The following FGD6 variants were observed in gnomAD, a reference collection of about 807,000 sequenced individuals.
FGD6 encodes FYVE, RhoGEF and PH domain containing 6.
Under a neutral mutation model 149.4 loss-of-function variants are expected in FGD6, and 90 were observed. The ratio of observed to expected loss-of-function variants is 0.60; its 90% CI spans 0.51 to 0.72. The LOEUF is 0.72. Ranked by LOEUF, FGD6 falls within the 30% of genes least tolerant of loss-of-function variation. The pLI is 0.00. For synonymous variants in FGD6, 527 were observed against 584.0 expected, an observed-to-expected ratio of 0.90 and a Z score of 1.41; for missense variants, 1,437 against 1,684.8, an observed-to-expected ratio of 0.85 and a Z score of 2.57.
chr12:95,105,607 C>T (rs1360052064), intron 13 of FGD6, among the ~76,000 whole-genome samples: 5 of 152,234 alleles, frequency 3.3e-5, no homozygotes, highest in African/African-American at 1.2e-4. Context: ...AAGAATCATG[C>T]TTCAACTTAT....
intron 5 of FGD6, among the ~76,000 whole-genome samples, chr12:95,147,804 T>C (rs1049510609): frequency 6.6e-6 from 1 of 152,178 alleles, no homozygotes; most frequent in African/African-American, 2.4e-5. Flanking sequence ...TGATGTAACA[T>C]AGCATGCTGC....
intron 2 of FGD6, among the ~76,000 whole-genome samples, chr12:95,204,616 T>C (rs1385654111): frequency 2.0e-5 from 3 of 152,116 alleles, no homozygotes; most frequent in Non-Finnish European, 2.9e-5. Flanking sequence ...CCAGGCCTTG[T>C]AGATTTGCTC....
At chr12:95,092,977 T>C (rs773022430) in intron 15 of FGD6, 132 bp from the exon 16 acceptor site, 147 of 1,029,058 alleles carry the variant, frequency 1.4e-4, no homozygotes, top group Non-Finnish European at 2.0e-4. Flanking sequence ...TCCCAGCATT[T>C]TGGGAGGCCG....
At chr12:95,202,913 G>C (rs2056670578) in intron 2 of FGD6, among the ~76,000 whole-genome samples, 1 of 152,160 alleles carries the variant, frequency 6.6e-6, no homozygotes, top group South Asian at 2.1e-4. Flanking sequence ...GGAAAGGGCT[G>C]CTGTTGAATA....
chr12:95,090,471 T>G (rs182082093), intron 17 of FGD6, among the ~76,000 whole-genome samples: 7 of 152,242 alleles, frequency 4.6e-5, no homozygotes, highest in Non-Finnish European at 8.8e-5. Context: ...AGATGAGAGA[T>G]AACGAAGGCC....
At chr12:95,116,173 T>C (rs1157400755) in intron 8 of FGD6, among the ~76,000 whole-genome samples, 1 of 152,234 alleles carries the variant, frequency 6.6e-6, no homozygotes, top group Non-Finnish European at 1.5e-5. Flanking sequence ...CCACTCAGAA[T>C]GCATTCAATA....
chr12:95,210,922 C>A lies in FGD6; in HGVS notation c.362G>T (p.Gly121Val). 6.2e-7 allele frequency: 1 copy of A among 1,614,078 alleles called. No homozygotes were observed. The highest frequency in any genetic ancestry group is 8.5e-7 in the Non-Finnish European group (1 of 1,180,036). Reference protein sequence around the residue: ...SCSSECIHKLGHRENLCVKQL... With the variant: ...SCSSECIHKLVHRENLCVKQL... ...CTTTACACACAAATTCTCTCTATGGCCCAGCTTATGGATACACTCAGAACT... is the reference window on the plus strand; with the variant it reads ...CTTTACACACAAATTCTCTCTATGGACCAGCTTATGGATACACTCAGAACT... The change falls in exon 2 of 21, where the codon GGC (glycine) becomes GTC (valine). Residue 121 changes from glycine to valine, a missense_variant. Physicochemically the swap from Gly to Val is moderately radical, Grantham distance 109 (BLOSUM62 -3). Around this residue, in one of 2 missense-constraint regions of FGD6, gnomAD observed 1,055 missense variants for 1,146.0 expected, o/e 0.92. Coordinates refer to ENST00000343958, the MANE Select transcript of FGD6 (RefSeq NM_018351.4).
chr12:95,141,382 T>C lies in FGD6; in HGVS notation c.2837+6A>G, dbSNP rs760291804. 6.2e-7 allele frequency: 1 copy of C among 1,613,224 alleles called. No homozygotes were observed. The highest frequency in any genetic ancestry group is 8.5e-7 in the Non-Finnish European group (1 of 1,179,484). On this transcript the variant is annotated splice_donor_region_variant and intron_variant, in intron 6 of 20. Coordinates refer to ENST00000343958, the MANE Select transcript of FGD6 (RefSeq NM_018351.4). ...CTAGGAAAATCTGAAAACGGTCCAT[T>C]TTTACCAGTGCAACATTCTTTCCTC...
chr12:95,210,816 C>A lies in FGD6; in HGVS notation c.468G>T (p.Arg156Ser), dbSNP rs1242080606. 1.2e-6 allele frequency: 2 copies of A among 1,613,650 alleles called. No individual in the cohort carries two copies. Among genetic ancestry groups the A allele is most frequent in the Admixed American group, 1.7e-5 (1 of 59,920 alleles). The change falls in exon 2 of 21, where the codon AGG becomes AGT. Residue 156 changes from arginine (R) to serine (S), a missense_variant. This residue lies in a region of FGD6 where 1,055 missense variants were observed against 1,146.0 expected (regional missense o/e 0.92). Coordinates refer to ENST00000343958, the MANE Select transcript of FGD6 (RefSeq NM_018351.4). ...TTTCACCATACAAATCACATTTACT[C>A]CTAGTTTTTATAGTCAAAGTCTCAT... is the stretch of plus-strand genomic sequence containing the variant. Reference protein sequence around the residue: ...KIDETLTIKTRSKCDLYGEKA... With the variant: ...KIDETLTIKTSSKCDLYGEKA...
chr12:95,077,965 G>A lies in FGD6; in HGVS notation c.*3555C>T, dbSNP rs1877549189. On this transcript the variant is annotated 3_prime_UTR_variant, in exon 21 of 21. Transcript: ENST00000343958. ...GTAGGTCTAAGGTCCAGGTTATAAT[G>A]TGGATATTTTCAGGCTGTGTTGGAG... is the stretch of plus-strand genomic sequence containing the variant. 1 of 152,240 alleles carries A rather than the reference G, an allele frequency of 6.6e-6. No individual in the cohort carries two copies. The highest frequency in any genetic ancestry group is 1.5e-5 in the Non-Finnish European group (1 of 68,046). The allele number at this position is 152,240 out of a possible 1,614,324, so 9.4% of individuals were successfully genotyped here.
intron 5 of FGD6, among the ~76,000 whole-genome samples, chr12:95,150,570 C>T (rs914925152): frequency 6.6e-6 from 1 of 151,954 alleles, no homozygotes; most frequent in African/African-American, 2.4e-5. Flanking sequence ...TATGAAATGA[C>T]AGTAAGCTTG....
intron 14 of FGD6, 33 bp downstream of exon 14, chr12:95,104,971 GAAA>G (rs11331948): frequency 0.023 from 29,937 of 1,328,802 alleles, 1 homozygote; most frequent in South Asian, 0.048. Flanking sequence ...CTCAGAATGA[GAAA>G]AAAAAAAAAA....
intron 2 of FGD6, among the ~76,000 whole-genome samples, chr12:95,181,231 GTTGACTACGTCACA>G (rs1417883032): frequency 6.6e-6 from 1 of 152,192 alleles, no homozygotes; most frequent in African/African-American, 2.4e-5. Context: ...CACACAACTT[GTTGACTACGTCACA>G]GTGAACAGCA....
intron 8 of FGD6, among the ~76,000 whole-genome samples, chr12:95,121,552 C>T (rs1879193398): frequency 6.8e-6 from 1 of 148,110 alleles, no homozygotes; most frequent in Non-Finnish European, 1.5e-5. Flanking sequence ...TTCATCCTGT[C>T]CTCATTTTAG....
At chr12:95,163,248 G>A (rs569754121) in intron 3 of FGD6, among the ~76,000 whole-genome samples, 3 of 152,094 alleles carry the variant, frequency 2.0e-5, no homozygotes, top group East Asian at 1.9e-4. Context: ...GTCCCTTTGC[G>A]CATATACCTT....
intron 2 of FGD6, among the ~76,000 whole-genome samples, chr12:95,178,980 A>T (rs1881206694): frequency 6.6e-6 from 1 of 152,192 alleles, no homozygotes; most frequent in Non-Finnish European, 1.5e-5. Context: ...AAAAGAAATC[A>T]CACAAAAATA....
At chr12:95,205,978 C>A (rs2056691134) in intron 2 of FGD6, among the ~76,000 whole-genome samples, 1 of 152,128 alleles carries the variant, frequency 6.6e-6, no homozygotes, top group Non-Finnish European at 1.5e-5. Context: ...CCTGTGGCCT[C>A]CAGAAAGAAC....
chr12:95,160,679 T>C (rs1880613063), intron 3 of FGD6, among the ~76,000 whole-genome samples: 1 of 152,166 alleles, frequency 6.6e-6, no homozygotes, highest in Non-Finnish European at 1.5e-5. Context: ...ATCAAACAGC[T>C]TATGATATTT....
chr12:95,165,750 A>C (rs1420882417), intron 3 of FGD6, among the ~76,000 whole-genome samples: 1 of 149,940 alleles, frequency 6.7e-6, no homozygotes, highest in Admixed American at 6.6e-5. Flanking sequence ...TGATCCTTCC[A>C]CTTTAGCCTC....
Sources: gnomAD v4.1 joint callset for allele counts (sites outside exome capture counted in the v4.1 genomes callset) on GRCh38, gnomAD v4.1.1 for gene constraint, gnomAD v4.1.1 regional missense constraint, MANE v1.5 for transcripts, NCBI Gene and HGNC (gene_info 2026-07-23, HGNC 2026-07-21) for gene names.